The following GRID2 variants were observed in gnomAD, a reference collection of about 807,000 sequenced individuals.
GRID2 encodes the protein glutamate receptor ionotropic, delta-2.
GRID2 carries 33 observed loss-of-function variants against 114.8 expected under a neutral mutation model. That is an observed-to-expected ratio of 0.29 (90% CI 0.22 to 0.38). The LOEUF is 0.38. Among genes scored for constraint, GRID2 ranks in the 10% least tolerant of loss-of-function variants. GRID2 has a pLI of 1.00. For synonymous variants in GRID2, 505 were observed against 449.9 expected (o/e 1.12, Z -1.55); for missense variants, 1,184 against 1,257.7 (o/e 0.94, Z 0.89).
At chr4:93,433,063 C>A (rs572438030) in intron 10 of GRID2, among the ~76,000 whole-genome samples, 1 of 152,080 alleles carries the variant, frequency 6.6e-6, no homozygotes, top group Non-Finnish European at 1.5e-5. Context: ...GAGTGAGATC[C>A]GTCTCCAATA....
intron 8 of GRID2, among the ~76,000 whole-genome samples, chr4:93,313,321 G>A (rs192627317): frequency 3.9e-5 from 6 of 152,178 alleles, no homozygotes; most frequent in Admixed American, 2.0e-4. Flanking sequence ...CTTTCAAATG[G>A]GTCCTTCTGC....
chr4:93,159,459 CTGTCTCTTTAGT>C (rs1027406848), intron 4 of GRID2, among the ~76,000 whole-genome samples: 1 of 151,756 alleles, frequency 6.6e-6, no homozygotes, highest in Non-Finnish European at 1.5e-5. Context: ...CATGCCTATT[CTGTCTCTTTAGT>C]GCTTTTGAAA....
chr4:93,345,393 A>C (rs550547496), intron 8 of GRID2, among the ~76,000 whole-genome samples: 1 of 152,184 alleles, frequency 6.6e-6, no homozygotes, highest in African/African-American at 2.4e-5. Flanking sequence ...TTCCCTGAAT[A>C]TTAATGATGT....
intron 1 of GRID2, among the ~76,000 whole-genome samples, chr4:92,411,178 T>C (rs1157543307): frequency 6.6e-6 from 1 of 152,166 alleles, no homozygotes; most frequent in Non-Finnish European, 1.5e-5. Flanking sequence ...AAAATAATTA[T>C]TATTGACTCA....
intron 1 of GRID2, among the ~76,000 whole-genome samples, chr4:92,460,032 C>CTCTCTCTATATATATA (rs749790235): frequency 2.1e-5 from 1 of 48,442 alleles, no homozygotes; most frequent in African/African-American, 1.0e-4. Context: ...ATAAATCTCA[C>CTCTCTCTATATATATA]TATATATATA....
chr4:93,212,058 G>GA (rs370898330), intron 5 of GRID2, among the ~76,000 whole-genome samples: 1,548 of 144,854 alleles, frequency 0.011, 8 homozygotes, highest in South Asian at 0.021. Flanking sequence ...TTCTATAAAA[G>GA]AAAAAAAAAA....
chr4:93,190,268 A>G (rs1383719961), intron 4 of GRID2, among the ~76,000 whole-genome samples: 1 of 152,128 alleles, frequency 6.6e-6, no homozygotes, highest in African/African-American at 2.4e-5. Context: ...AGAACTTAAT[A>G]TAGATTTCTA....
rs373891256 is a variant in GRID2, at chr4:93,375,214, C to CTTT, written c.1246-20378_1246-20376dup. On this transcript the variant is annotated intron_variant, in intron 8 of 15. Coordinates refer to ENST00000282020, the MANE Select transcript of GRID2 (RefSeq NM_001510.4). ...TCCATGGGAGTTTTTCTTTTTTTCC[C>CTTT]TTTTTTTTTTTTTTTTTGAGACAGA... Among the ~76,000 whole-genome samples, 389 of 135,324 alleles carry CTTT rather than the reference C, an allele frequency of 2.9e-3. 4 individuals are homozygous for CTTT. Among genetic ancestry groups the CTTT allele is most frequent in the African/African-American group, 0.01 (369 of 35,520 alleles). 88.8% of individuals were successfully genotyped at this position (135,324 alleles called of 152,430 possible). A position where few individuals can be genotyped will look rare whatever the true frequency, so the allele number is the denominator to read the frequency against.
At chr4:92,556,617 A>T (rs1726861708) in intron 1 of GRID2, among the ~76,000 whole-genome samples, 1 of 152,122 alleles carries the variant, frequency 6.6e-6, no homozygotes, top group Non-Finnish European at 1.5e-5. Flanking sequence ...GTCCTTCACA[A>T]GATTGCCATC....
At position 93,051,365 on chromosome 4, in the gene GRID2, T is replaced by G. The variant is rs184425474; in HGVS notation, c.245-33630T>G. Among the ~76,000 whole-genome samples, 320 of 152,144 alleles carry G rather than the reference T, an allele frequency of 2.1e-3. 1 individual carries two copies. The highest frequency in any genetic ancestry group is 7.4e-3 in the African/African-American group (309 of 41,562). On this transcript the variant is annotated intron_variant, in intron 2 of 15. Transcript: ENST00000282020. Reference sequence around the variant, plus strand: ...GATCATATACCAAATGCCAAAGCACTGAAAAAGTGTTTCATCTTTCCCTCT... The same window carrying G: ...GATCATATACCAAATGCCAAAGCACGGAAAAAGTGTTTCATCTTTCCCTCT...
intron 14 of GRID2, among the ~76,000 whole-genome samples, chr4:93,688,583 AT>A (rs1210546295): frequency 6.6e-6 from 1 of 152,000 alleles, no homozygotes; most frequent in Admixed American, 6.6e-5. Context: ...TCAAAGTGTT[AT>A]TTCTATGCTT....
chr4:93,601,207 T>C (rs1032162936), intron 13 of GRID2, among the ~76,000 whole-genome samples: 1 of 152,168 alleles, frequency 6.6e-6, no homozygotes, highest in African/African-American at 2.4e-5. Flanking sequence ...TTGGATTAAA[T>C]ATAGCATGAT....
At chr4:93,427,090 A>G (rs1363202249) in intron 10 of GRID2, among the ~76,000 whole-genome samples, 1 of 152,074 alleles carries the variant, frequency 6.6e-6, no homozygotes, top group Non-Finnish European at 1.5e-5. Context: ...AGTTAAGGGT[A>G]CACAACATTC....
chr4:92,749,937 C>T (rs1344541552), intron 2 of GRID2, among the ~76,000 whole-genome samples: 1 of 151,492 alleles, frequency 6.6e-6, no homozygotes, highest in Non-Finnish European at 1.5e-5. Flanking sequence ...TCTCGGCTGA[C>T]TGCAACCTCT....
At chr4:93,803,637 G>A (rs950921554) in intron 1 of GRID2, among the ~76,000 whole-genome samples, 4 of 151,934 alleles carry the variant, frequency 2.6e-5, no homozygotes, top group South Asian at 2.1e-4. Context: ...CAGAAGAATC[G>A]CTTGAACCCA....
chr4:92,949,855 A>T (rs1035108142), intron 2 of GRID2, among the ~76,000 whole-genome samples: 8 of 152,012 alleles, frequency 5.3e-5, no homozygotes, highest in Non-Finnish European at 1.2e-4. Context: ...AGATTTTTCT[A>T]TCTGATACTC....
At chr4:93,593,607 G>C (rs372111995) in intron 13 of GRID2, among the ~76,000 whole-genome samples, 2 of 149,906 alleles carry the variant, frequency 1.3e-5, no homozygotes, top group Non-Finnish European at 3.0e-5. Flanking sequence ...GGCCTGCCTT[G>C]CTAGATTGGG....
chr4:93,278,300 G>A (rs1752281018), intron 8 of GRID2, among the ~76,000 whole-genome samples: 1 of 151,536 alleles, frequency 6.6e-6, no homozygotes, highest in Non-Finnish European at 1.5e-5. Context: ...GGTGAGACAA[G>A]ACACCTCAAT....
At chr4:93,425,162 C>T (rs1768716483) in intron 10 of GRID2, among the ~76,000 whole-genome samples, 1 of 152,112 alleles carries the variant, frequency 6.6e-6, no homozygotes, top group African/African-American at 2.4e-5. Flanking sequence ...GAATACATTG[C>T]ATTTTCCTGG....
Sources: gnomAD v4.1 joint callset for allele counts (sites outside exome capture counted in the v4.1 genomes callset) on GRCh38, gnomAD v4.1.1 for gene constraint, MANE v1.5 for transcripts, NCBI Gene and HGNC (gene_info 2026-07-23, HGNC 2026-07-21) for gene names.